SLFN14: variants seen among roughly 807,000 people sequenced by gnomAD.
SLFN14 encodes the protein protein SLFN14.
Under a neutral mutation model 58.6 loss-of-function variants are expected in SLFN14, and 47 were observed. The observed-to-expected ratio is 0.80, with a 90% CI of 0.64 to 1.02. The LOEUF is 1.02. Ranked by LOEUF, SLFN14 falls within the 50% of genes least tolerant of loss-of-function variation. The probability of loss-of-function intolerance (pLI) is 0.00; values close to 1 mark genes in which losing one functional copy is unlikely to be tolerated. For synonymous variants in SLFN14, 390 were observed against 387.3 expected, an observed-to-expected ratio of 1.01 and a Z score of -0.08; for missense variants, 967 against 1,078.4, an observed-to-expected ratio of 0.90 and a Z score of 1.45.
rs888611871 is a variant in SLFN14 at position 35,548,155 on chromosome 17, G to A, written c.*84C>T. The A allele has an allele frequency of 1.7e-5, 22 of 1,300,614 alleles. No individual in the cohort carries two copies. Among genetic ancestry groups the A allele is most frequent in the South Asian group, 1.3e-4 (9 of 67,868 alleles). The allele number at this position is 1,300,614 out of a possible 1,614,324, so 80.6% of individuals were successfully genotyped here. On this transcript the variant is annotated 3_prime_UTR_variant, in exon 6 of 6. Coordinates refer to ENST00000674182, the MANE Select transcript of SLFN14 (RefSeq NM_001129820.2). ...CTGATGTGCCTTGATTTCCTCACTTGTAATATTAAAATGGAGTCACTGCTA... is the reference window on the plus strand; with the variant it reads ...CTGATGTGCCTTGATTTCCTCACTTATAATATTAAAATGGAGTCACTGCTA...
rs758302612 is a variant in SLFN14 at position 35,548,835 on chromosome 17, C to T, written c.2143G>A (p.Gly715Ser). The change falls in exon 6 of 6, where the codon GGC becomes AGC. Residue 715 changes from glycine (G) to serine (S), a missense_variant. By Grantham distance (56) the Gly-to-Ser change is moderately conservative. Coordinates refer to ENST00000674182, the MANE Select transcript of SLFN14 (RefSeq NM_001129820.2). ...AACTGAGCAGATGGAGGGGGAAGGC[C>T]ATTGACATCTGCGTGATGGATTTGA... is the stretch of plus-strand genomic sequence containing the variant. Reference protein sequence around the residue: ...PFQIHHADVNGLPPPSAQFPR... With the variant: ...PFQIHHADVNSLPPPSAQFPR... 16 of 1,551,656 alleles carry T rather than the reference C, an allele frequency of 1.0e-5. No individual in the cohort carries two copies. Among genetic ancestry groups the T allele is most frequent in the South Asian group, 2.4e-5 (2 of 84,060 alleles).
chr17:35,544,328 G>A lies in SLFN14; in HGVS notation c.*3911C>T, dbSNP rs996432566. Among the ~76,000 whole-genome samples, 1 of 152,068 alleles carries A rather than the reference G, an allele frequency of 6.6e-6. No individual in the cohort carries two copies. Among genetic ancestry groups the A allele is most frequent in the Non-Finnish European group, 1.5e-5 (1 of 68,010 alleles). Reference sequence around the variant, plus strand: ...AAAGGGTATAGATATAGAGAGGTAGGAAATATTGGGAACAATAATGTAGTC... The same window carrying A: ...AAAGGGTATAGATATAGAGAGGTAGAAAATATTGGGAACAATAATGTAGTC... On this transcript the variant is annotated 3_prime_UTR_variant, in exon 6 of 6. Coordinates refer to ENST00000674182, the MANE Select transcript of SLFN14 (RefSeq NM_001129820.2).
rs536830745 is a variant in SLFN14, at chr17:35,556,951, G to A, written c.1060+52C>T. ...TGTGATCAAATACCCACAAAAGGCAGAGAAAGGGGTTCCTCCCTGCTGATG... is the reference window on the plus strand; with the variant it reads ...TGTGATCAAATACCCACAAAAGGCAAAGAAAGGGGTTCCTCCCTGCTGATG... On this transcript the variant is annotated intron_variant, in intron 3 of 5. Coordinates refer to ENST00000674182, the MANE Select transcript of SLFN14 (RefSeq NM_001129820.2). 18 of 1,462,644 alleles carry A rather than the reference G, an allele frequency of 1.2e-5. No individual in the cohort carries two copies. In the East Asian group the frequency reaches 3.5e-4, roughly 28 times the overall value. The allele number at this position is 1,462,644 out of a possible 1,614,324, so 90.6% of individuals were successfully genotyped here.
Position 35,547,205 on chromosome 17 carries a change from A to G in SLFN14, c.*1034T>C, listed in dbSNP as rs2072540845. Among the ~76,000 whole-genome samples the G allele has an allele frequency of 6.6e-6, 1 of 152,226 alleles. No homozygotes were observed. The highest frequency in any genetic ancestry group is 1.5e-5 in the Non-Finnish European group (1 of 68,032). The stretch of plus-strand genomic sequence containing the variant: ...TTCATCTGAGGGCAAAGAATAATGA[A>G]AAACTAGTCATCCTTAGCATTCTAA... On this transcript the variant is annotated 3_prime_UTR_variant, in exon 6 of 6. Transcript: ENST00000674182.
At chr17:35,560,328 CT>C (rs942266485) in intron 1 of SLFN14, among the ~76,000 whole-genome samples, 6 of 152,032 alleles carry the variant, frequency 3.9e-5, no homozygotes, top group Admixed American at 3.9e-4. Context: ...TTTCCCAGGA[CT>C]TTTTTTTCTT....
rs1395063428 is a variant in SLFN14 at position 35,553,372 on chromosome 17, T to A, written c.1262A>T (p.Glu421Val). 1 of 1,551,654 alleles carries A rather than the reference T, an allele frequency of 6.4e-7. No homozygotes were observed. Among genetic ancestry groups the A allele is most frequent in the Admixed American group, 2.0e-5 (1 of 50,994 alleles). The change falls in exon 5 of 6, where the codon GAG (glutamate) becomes GTG (valine). Residue 421 changes from glutamate to valine, a missense_variant. Transcript: ENST00000674182. ...KKLFSDHKELEGLMKTLIHPC... is the reference protein window; with the variant it reads ...KKLFSDHKELVGLMKTLIHPC... The stretch of plus-strand genomic sequence containing the variant: ...ATGTATCAGGGTCTTCATTAAACCC[T>A]CCAGTTCTTTATGATCTGAGAACAG...
In SLFN14 at chr17:35,553,374, C is replaced by T. The variant is rs2072616164; in HGVS notation, c.1260G>A (p.Leu420=). The change falls in exon 5 of 6, where the codon CTG becomes CTA. Residue 420 remains leucine, a synonymous_variant. Coordinates refer to ENST00000674182, the MANE Select transcript of SLFN14 (RefSeq NM_001129820.2). ...CKKLFSDHKE[L]EGLMKTLIHP... ...GTATCAGGGTCTTCATTAAACCCTC[C>T]AGTTCTTTATGATCTGAGAACAGCT... The T allele has an allele frequency of 6.4e-7, 1 of 1,551,614 alleles. No individual in the cohort carries two copies. The highest frequency in any genetic ancestry group is 1.2e-5 in the South Asian group (1 of 84,050).
chr17:35,557,632 C>A lies in SLFN14; in HGVS notation c.431G>T (p.Ser144Ile), dbSNP rs1483852369. 1 of 1,551,586 alleles carries A rather than the reference C, an allele frequency of 6.4e-7. No homozygotes were observed. The highest frequency in any genetic ancestry group is 1.2e-5 in the South Asian group (1 of 84,068). ...CTCTCTGAGAAGCTCCAGGGCACTGCTAGCACTCAAGTTGATAGCAGAAGT... is the reference window on the plus strand; with the variant it reads ...CTCTCTGAGAAGCTCCAGGGCACTGATAGCACTCAAGTTGATAGCAGAAGT... ...DVTSAINLSA[S>I]SALELLREKG... Residue 144 changes from serine (S) to isoleucine (I), a missense_variant, in exon 3 of 6, where the codon AGC becomes ATC. By Grantham distance (142) the Ser-to-Ile change is moderately radical (BLOSUM62 -2). Transcript: ENST00000674182.
chr17:35,557,310 G>C lies in SLFN14; in HGVS notation c.753C>G (p.Ser251Arg). The C allele has an allele frequency of 6.4e-7, 1 of 1,551,608 alleles. No individual in the cohort carries two copies. Among genetic ancestry groups the C allele is most frequent in the South Asian group, 1.2e-5 (1 of 84,060 alleles). Reference sequence around the variant, plus strand: ...CCCACTTACATCCAACCACTTCTTTGCTCTTATCATCCACCCCAATGAGGA... The same window carrying C: ...CCCACTTACATCCAACCACTTCTTTCCTCTTATCATCCACCCCAATGAGGA... ...GYVLIGVDDK[S>R]KEVVGCKWEK... The change falls in exon 3 of 6, where the codon AGC (serine) becomes AGG (arginine). Residue 251 changes from serine to arginine, a missense_variant. Coordinates refer to ENST00000674182, the MANE Select transcript of SLFN14 (RefSeq NM_001129820.2).
chr17:35,557,413 G>A lies in SLFN14; in HGVS notation c.650C>T (p.Thr217Ile). Residue 217 changes from threonine to isoleucine, a missense_variant, in exon 3 of 6, where the codon ACC becomes ATC. Physicochemically the swap from Thr to Ile is moderately conservative, Grantham distance 89 (BLOSUM62 -1). Coordinates refer to ENST00000674182, the MANE Select transcript of SLFN14 (RefSeq NM_001129820.2). The part of the protein sequence containing the change: ...STHVEFKRFT[T>I]KKVIPRIKEM... Reference sequence around the variant, plus strand: ...CTTAATCCGAGGTATGACTTTTTTGGTGGTGAACCTTTTAAATTCAACATG... The same window carrying A: ...CTTAATCCGAGGTATGACTTTTTTGATGGTGAACCTTTTAAATTCAACATG... The A allele has an allele frequency of 2.6e-6, 4 of 1,551,540 alleles. No individual in the cohort carries two copies. The South Asian group carries it at 3.6e-5, about 14-fold the overall frequency.
In SLFN14 at chr17:35,545,731, G is replaced by A. The variant is rs889281900; in HGVS notation, c.*2508C>T. 1.3e-5 allele frequency among the ~76,000 whole-genome samples: 2 copies of A among 152,034 alleles called. No individual in the cohort carries two copies. Among genetic ancestry groups the A allele is most frequent in the Non-Finnish European group, 2.9e-5 (2 of 68,002 alleles). Reference sequence around the variant, plus strand: ...TGCCCAGGCTGGTCTCCAACTCCTGGCTTCAAGTGATTCCCCCAGACCTCA... The same window carrying A: ...TGCCCAGGCTGGTCTCCAACTCCTGACTTCAAGTGATTCCCCCAGACCTCA... On this transcript the variant is annotated 3_prime_UTR_variant, in exon 6 of 6. Transcript: ENST00000674182.
chr17:35,549,048 T>C lies in SLFN14; in HGVS notation c.1930A>G (p.Thr644Ala), dbSNP rs1161167639. ...VTQQTTCQAV[T>A]RKTFMQGEFL... Reference sequence around the variant, plus strand: ...TCCCCTTGCATGAAAGTTTTCCTGGTCACAGCTTGGCAGGTGGTTTGTTGG... The same window carrying C: ...TCCCCTTGCATGAAAGTTTTCCTGGCCACAGCTTGGCAGGTGGTTTGTTGG... The change falls in exon 6 of 6, where the codon ACC (threonine) becomes GCC (alanine). Residue 644 changes from threonine to alanine, a missense_variant. Physicochemically the swap from Thr to Ala is moderately conservative, Grantham distance 58. Transcript: ENST00000674182. 2 of 1,551,472 alleles carry C rather than the reference T, an allele frequency of 1.3e-6. No homozygotes were observed. The highest frequency in any genetic ancestry group is 2.4e-5 in the East Asian group (1 of 40,924).
chr17:35,550,819 T>C (rs1449147179), intron 5 of SLFN14, among the ~76,000 whole-genome samples: 2 of 152,218 alleles, frequency 1.3e-5, no homozygotes, highest in Non-Finnish European at 2.9e-5. Flanking sequence ...CAGAAGTGAA[T>C]TTGCATATTT....
chr17:35,554,591 G>T lies in SLFN14; in HGVS notation c.1174C>A (p.Arg392=). Residue 392 remains arginine, a synonymous_variant, in exon 4 of 6, where the codon CGA becomes AGA. Transcript: ENST00000674182. ...GAGGGAATACCTGGAAACAAATGTC[G>T]TTGCAGAGCCTCCTTAAATTTGTGG... ...KVHKFKEALQ[R]HLFPVTQEEV... 6.5e-7 allele frequency: 1 copy of T among 1,527,392 alleles called. No homozygotes were observed. The highest frequency in any genetic ancestry group is 8.8e-7 in the Non-Finnish European group (1 of 1,136,860). 94.6% of individuals were successfully genotyped at this position (1,527,392 alleles called of 1,614,324 possible).
intron 2 of SLFN14, among the ~76,000 whole-genome samples, chr17:35,559,170 G>A (rs2142214461): frequency 6.6e-6 from 1 of 152,232 alleles, no homozygotes; most frequent in Non-Finnish European, 1.5e-5. Context: ...AGGCTGCAGT[G>A]AACCATGATC....
In SLFN14 at chr17:35,553,261, G is replaced by C; in HGVS notation, c.1373C>G (p.Ala458Gly). 1 of 1,551,648 alleles carries C rather than the reference G, an allele frequency of 6.4e-7. No individual in the cohort carries two copies. The highest frequency in any genetic ancestry group is 2.4e-5 in the East Asian group (1 of 40,920). The change falls in exon 5 of 6, where the codon GCT becomes GGT. Residue 458 changes from alanine (A) to glycine (G), a missense_variant. Physicochemically the swap from Ala to Gly is moderately conservative, Grantham distance 60. Transcript: ENST00000674182. ...FRKEQNVLCD[A>G]LLIAVNSPVV... is the part of the protein sequence containing the mutation. ...GGGGCTGTTAACTGCTATCAGGAGA[G>C]CATCACACAGGACATTCTGTTCTTT...
At chr17:35,556,047 TA>T (rs1450428226) in intron 3 of SLFN14, among the ~76,000 whole-genome samples, 1 of 152,158 alleles carries the variant, frequency 6.6e-6, no homozygotes, top group Non-Finnish European at 1.5e-5. Context: ...TTTATTTATT[TA>T]TTTTTTTGAG....
In SLFN14 at chr17:35,557,091, C is replaced by A; in HGVS notation, c.972G>T (p.Glu324Asp). The part of the protein sequence containing the change: ...VEPFCCVVFA[E>D]APDSWIMKDN... ...CTTTCATGATCCAGGAATCTGGGGC[C>A]TCTGCAAACACCACGCAACAGAAGG... Residue 324 changes from glutamate to aspartate, a missense_variant, in exon 3 of 6, where the codon GAG (glutamate) becomes GAT (aspartate). Glu to Asp is a conservative substitution (Grantham distance 45, BLOSUM62 2). Coordinates refer to ENST00000674182, the MANE Select transcript of SLFN14 (RefSeq NM_001129820.2). 6.4e-7 allele frequency: 1 copy of A among 1,551,616 alleles called. No individual in the cohort carries two copies. Among genetic ancestry groups the A allele is most frequent in the Non-Finnish European group, 8.7e-7 (1 of 1,146,994 alleles).
At chr17:35,551,282 T>C (rs886598208) in intron 5 of SLFN14, among the ~76,000 whole-genome samples, 1 of 152,214 alleles carries the variant, frequency 6.6e-6, no homozygotes, top group Non-Finnish European at 1.5e-5. Context: ...TTTTTGTGTG[T>C]GTGTGCAACC....
Sources: gnomAD v4.1 joint callset for allele counts (sites outside exome capture counted in the v4.1 genomes callset) on GRCh38, gnomAD v4.1.1 for gene constraint, MANE v1.5 for transcripts, NCBI Gene and HGNC (gene_info 2026-07-23, HGNC 2026-07-21) for gene names.